Variants in HIP1 observed in about 807,000 individuals in gnomAD.
HIP1 encodes huntingtin interacting protein 1, also known as huntingtin-interacting protein 1.
Under a neutral mutation model 147.6 loss-of-function variants are expected in HIP1, and 65 were observed. The observed-to-expected ratio is 0.44, with a 90% CI of 0.36 to 0.54. The LOEUF is 0.54. Ranked by LOEUF, HIP1 falls within the 20% of genes least tolerant of loss-of-function variation. HIP1 has a pLI of 0.00. For missense variants in HIP1, 1,061 were observed against 1,299.6 expected, an observed-to-expected ratio of 0.82 and a Z score of 2.82; for synonymous variants, 479 against 504.0, an observed-to-expected ratio of 0.95 and a Z score of 0.67.
At chr7:75,582,274 G>T in intron 5 of HIP1, 123 bp from the exon 6 acceptor site, 4 of 706,082 alleles carry the variant, frequency 5.7e-6, no homozygotes, top group Non-Finnish European at 1.0e-5. Context: ...AGGATTGCTT[G>T]AGCCCGGGAG....
chr7:75,655,660 A>C (rs868918451), intron 1 of HIP1, among the ~76,000 whole-genome samples: 5 of 152,172 alleles, frequency 3.3e-5, no homozygotes, highest in African/African-American at 4.8e-5. Flanking sequence ...TAAATATTGT[A>C]TGAGTCCACT....
chr7:75,671,941 G>A (rs1486866402), intron 1 of HIP1, among the ~76,000 whole-genome samples: 1 of 151,958 alleles, frequency 6.6e-6, no homozygotes, highest in Non-Finnish European at 1.5e-5. Context: ...CACCGTGTTG[G>A]TCAGGCTGGT....
intron 22 of HIP1, among the ~76,000 whole-genome samples, chr7:75,551,188 A>ATTTT (rs1794768444): frequency 1.5e-4 from 7 of 45,816 alleles, no homozygotes; most frequent in Non-Finnish European, 2.6e-4. Flanking sequence ...TGTAGATGAT[A>ATTTT]ATTTTTTTTT....
At chr7:75,723,921 TTTA>T in intron 1 of HIP1, among the ~76,000 whole-genome samples, 1 of 150,470 alleles carries the variant, frequency 6.6e-6, no homozygotes, top group East Asian at 2.0e-4. Flanking sequence ...GGCTAATTTT[TTTA>T]TTATTATTAT....
intron 8 of HIP1, among the ~76,000 whole-genome samples, chr7:75,569,946 T>G (rs1795549843): frequency 6.6e-6 from 1 of 151,918 alleles, no homozygotes; most frequent in South Asian, 2.1e-4. Flanking sequence ...GAACTTTTTT[T>G]TTTTTTTGAG....
At position 75,696,042 on chromosome 7, in the gene HIP1, A is replaced by G. The variant is rs375266427; in HGVS notation, c.120+42759T>C. Among the ~76,000 whole-genome samples, 3 of 151,842 alleles carry G rather than the reference A, an allele frequency of 2.0e-5. No individual in the cohort carries two copies. In the South Asian group the frequency reaches 6.3e-4, roughly 32 times the overall value. ...CGCTGTGTCACCCAGGCTGGAGTGC[A>G]GTGGTGTGATCATGGCTCACTGCAG... On this transcript the variant is annotated intron_variant, in intron 1 of 30. Coordinates refer to ENST00000336926, the MANE Select transcript of HIP1 (RefSeq NM_005338.7).
chr7:75,644,750 T>C (rs1179594), intron 1 of HIP1, among the ~76,000 whole-genome samples: 70,990 of 151,950 alleles, frequency 0.47, 17,438 homozygotes, highest in African/African-American at 0.63. Flanking sequence ...CTGTGGAGGA[T>C]ATTCATCAAC....
intron 1 of HIP1, among the ~76,000 whole-genome samples, chr7:75,638,005 T>C (rs62475466): frequency 0.02 from 884 of 43,782 alleles, 37 homozygotes; most frequent in African/African-American, 0.059. Flanking sequence ...CACACACACA[T>C]ACACACACAC....
chr7:75,686,157 C>T lies in HIP1; in HGVS notation c.120+52644G>A, dbSNP rs140734111. On this transcript the variant is annotated intron_variant, in intron 1 of 30. Coordinates refer to ENST00000336926, the MANE Select transcript of HIP1 (RefSeq NM_005338.7). The stretch of plus-strand genomic sequence containing the variant: ...CACCTGCCTCGGCCTCCCAAAGTAC[C>T]GGGATTACAGGCGTGAGCCACTGCA... Among the ~76,000 whole-genome samples, 1,024 of 149,840 alleles carry T rather than the reference C, an allele frequency of 6.8e-3. 3 individuals carry two copies. The highest frequency in any genetic ancestry group is 0.015 in the Middle Eastern group (4 of 274).
chr7:75,733,032 C>T (rs1034983546), intron 1 of HIP1, among the ~76,000 whole-genome samples: 2 of 152,190 alleles, frequency 1.3e-5, no homozygotes, highest in East Asian at 1.9e-4. Flanking sequence ...GCTCACTAAA[C>T]GGATGTTGAA....
At position 75,545,077 on chromosome 7, in the gene HIP1, T is replaced by C. The variant is rs112928601; in HGVS notation, c.2660+11A>G. ...GTCATGGGAGGACCCTTGGTACCAATAGATACTTACACCATGACAGTGGCT... is the reference window on the plus strand; with the variant it reads ...GTCATGGGAGGACCCTTGGTACCAACAGATACTTACACCATGACAGTGGCT... On this transcript the variant is annotated intron_variant, in intron 26 of 30. Coordinates refer to ENST00000336926, the MANE Select transcript of HIP1 (RefSeq NM_005338.7). 9.8e-6 allele frequency: 15 copies of C among 1,524,006 alleles called. No individual in the cohort carries two copies. The highest frequency in any genetic ancestry group is 3.8e-5 in the Admixed American group (2 of 53,232). The allele number at this position is 1,524,006 out of a possible 1,614,324, so 94.4% of individuals were successfully genotyped here. A position where few individuals can be genotyped will look rare whatever the true frequency, so the allele number is the denominator to read the frequency against.
At chr7:75,551,312 C>T (rs1199261638) in intron 22 of HIP1, among the ~76,000 whole-genome samples, 1 of 147,814 alleles carries the variant, frequency 6.8e-6, no homozygotes, top group African/African-American at 2.5e-5. Context: ...ATTATCCTGC[C>T]TCAGCCTCTC....
At chr7:75,670,638 C>A (rs1464957965) in intron 1 of HIP1, among the ~76,000 whole-genome samples, 1 of 151,966 alleles carries the variant, frequency 6.6e-6, no homozygotes, top group Non-Finnish European at 1.5e-5. Flanking sequence ...GAGACAGGGT[C>A]TTGTTCTGTC....
At chr7:75,602,332 T>A (rs807868) in intron 1 of HIP1, among the ~76,000 whole-genome samples, 5 of 116,148 alleles carry the variant, frequency 4.3e-5, no homozygotes, top group Non-Finnish European at 7.2e-5. Flanking sequence ...TTTTTTTTTT[T>A]CAAAAGAGAT....
intron 1 of HIP1, among the ~76,000 whole-genome samples, chr7:75,723,938 T>TTA (rs781977202): frequency 6.6e-4 from 97 of 146,086 alleles, no homozygotes; most frequent in Middle Eastern, 3.5e-3. Flanking sequence ...TTATTATCAT[T>TTA]TATATATATA....
At chr7:75,561,141 CG>C (rs1795215833) in intron 13 of HIP1, among the ~76,000 whole-genome samples, 187 bp downstream of exon 13, 1 of 151,938 alleles carries the variant, frequency 6.6e-6, no homozygotes. Flanking sequence ...TTATTGAAGA[CG>C]GGGGTTTCAC....
chr7:75,555,653 C>A, intron 18 of HIP1, 102 bp from the exon 19 acceptor site: 1 of 1,243,042 alleles, frequency 8.0e-7, no homozygotes. Context: ...CAAGTCATGG[C>A]CAATGAGGTC....
chr7:75,693,562 G>C (rs907712567), intron 1 of HIP1, among the ~76,000 whole-genome samples: 1 of 152,040 alleles, frequency 6.6e-6, no homozygotes, highest in Non-Finnish European at 1.5e-5. Flanking sequence ...TTGTTTAGCT[G>C]GGTATGAAAT....
intron 14 of HIP1, 39 bp from the exon 15 acceptor site, chr7:75,558,294 C>T (rs1554493854): frequency 6.7e-6 from 10 of 1,492,804 alleles, no homozygotes; most frequent in South Asian, 4.5e-5. Context: ...TCTAACCTAG[C>T]AGGGACCCTT....
Sources: gnomAD v4.1 joint callset for allele counts (sites outside exome capture counted in the v4.1 genomes callset) on GRCh38, gnomAD v4.1.1 for gene constraint, MANE v1.5 for transcripts, NCBI Gene and HGNC (gene_info 2026-07-23, HGNC 2026-07-21) for gene names.